Variants in NRG3 observed in about 807,000 individuals in gnomAD.
NRG3 encodes the protein neuregulin 3.
In NRG3, 31 loss-of-function variants were observed where a neutral mutation model predicts 66.9. The observed-to-expected ratio is 0.46, with a 90% confidence interval of 0.35 to 0.63. The LOEUF (loss-of-function observed/expected upper bound fraction) is 0.63. Ranked by LOEUF, NRG3 falls within the 20% of genes least tolerant of loss-of-function variation. The probability of loss-of-function intolerance (pLI) is 0.00; values close to 1 mark genes in which losing one functional copy is unlikely to be tolerated. For missense variants in NRG3, 910 were observed against 878.9 expected (o/e 1.04, Z -0.45); for synonymous variants, 393 against 359.4 (o/e 1.09, Z -1.06).
intron 4 of NRG3, among the ~76,000 whole-genome samples, chr10:82,883,530 T>C (rs1842472914): frequency 6.6e-6 from 1 of 152,188 alleles, no homozygotes; most frequent in Non-Finnish European, 1.5e-5. Context: ...AATAGTACAG[T>C]GTATATTCTA....
intron 2 of NRG3, among the ~76,000 whole-genome samples, chr10:82,629,657 G>A (rs917401502): frequency 1.3e-5 from 2 of 152,152 alleles, no homozygotes; most frequent in Non-Finnish European, 2.9e-5. Flanking sequence ...AATTCCTTGA[G>A]CAACCCCTGG....
intron 2 of NRG3, among the ~76,000 whole-genome samples, chr10:82,686,690 G>C (rs1455647511): frequency 6.6e-6 from 1 of 152,180 alleles, no homozygotes; most frequent in Non-Finnish European, 1.5e-5. Context: ...GTTATGCAGT[G>C]CATGAGTGTA....
chr10:82,487,470 C>T (rs777424803), intron 2 of NRG3, among the ~76,000 whole-genome samples: 1 of 152,060 alleles, frequency 6.6e-6, no homozygotes, highest in Non-Finnish European at 1.5e-5. Context: ...CTTTGTAACC[C>T]TGAGTGGAGG....
At chr10:82,285,799 C>G (rs917228874) in intron 1 of NRG3, among the ~76,000 whole-genome samples, 2 of 152,204 alleles carry the variant, frequency 1.3e-5, no homozygotes, top group Non-Finnish European at 1.5e-5. Context: ...CCTGCTAAAG[C>G]ACTCACCTTC....
intron 2 of NRG3, among the ~76,000 whole-genome samples, chr10:82,373,105 G>A (rs2084994966): frequency 6.6e-6 from 1 of 152,178 alleles, no homozygotes; most frequent in Non-Finnish European, 1.5e-5. Flanking sequence ...GCTCGCATAG[G>A]GTGAAAGTAA....
Position 82,358,699 on chromosome 10 carries a change from G to A in NRG3, c.824-40G>A, listed in dbSNP as rs564601376. On this transcript the variant is annotated intron_variant, in intron 1 of 8. Transcript: ENST00000372141. ...TGACAGGAGTTGTTGGTGTCAGAAT[G>A]TACTGCTGACAGCGTTTCCCCCTGT... 367 of 1,612,890 alleles carry A rather than the reference G, an allele frequency of 2.3e-4. 5 individuals carry two copies. In the South Asian group the frequency reaches 3.7e-3, roughly 16 times the overall value.
chr10:81,993,493 C>A (rs1241023253), intron 1 of NRG3, among the ~76,000 whole-genome samples: 1 of 152,036 alleles, frequency 6.6e-6, no homozygotes, highest in Non-Finnish European at 1.5e-5. Context: ...CCTACAGATG[C>A]ATGCCACCAC....
chr10:82,903,928 C>T (rs187332009), intron 4 of NRG3, among the ~76,000 whole-genome samples: 23 of 152,252 alleles, frequency 1.5e-4, no homozygotes, highest in African/African-American at 5.3e-4. Context: ...ATTTCAGACA[C>T]AAGCAGTGAA....
At chr10:82,572,851 G>A (rs1476971859) in intron 2 of NRG3, among the ~76,000 whole-genome samples, 2 of 151,742 alleles carry the variant, frequency 1.3e-5, no homozygotes, top group African/African-American at 2.4e-5. Context: ...GAATTATTCA[G>A]TTAACCATGG....
At chr10:82,068,394 A>G (rs752937808) in intron 1 of NRG3, among the ~76,000 whole-genome samples, 19 of 152,196 alleles carry the variant, frequency 1.2e-4, no homozygotes, top group Non-Finnish European at 2.2e-4. Flanking sequence ...CCTTTATTCA[A>G]TAAAATGTAT....
At chr10:82,621,767 C>T (rs957577873) in intron 2 of NRG3, among the ~76,000 whole-genome samples, 1 of 152,154 alleles carries the variant, frequency 6.6e-6, no homozygotes, top group Non-Finnish European at 1.5e-5. Context: ...CTAACTGGTA[C>T]AGTAAGGTAG....
chr10:81,946,842 G>A (rs1162987944), intron 1 of NRG3, among the ~76,000 whole-genome samples: 7 of 152,112 alleles, frequency 4.6e-5, no homozygotes, highest in Admixed American at 4.6e-4. Context: ...AGTTCAACAG[G>A]CCAAATATAA....
At chr10:82,115,209 T>G (rs1649947) in intron 1 of NRG3, among the ~76,000 whole-genome samples, 124,998 of 151,926 alleles carry the variant, frequency 0.82, 51,450 homozygotes, top group South Asian at 0.87. Flanking sequence ...TCACCCAGCT[T>G]GTGGGTTGAG....
intron 2 of NRG3, among the ~76,000 whole-genome samples, chr10:82,656,157 A>AT (rs1054654726): frequency 2.6e-5 from 4 of 152,140 alleles, no homozygotes; most frequent in East Asian, 1.9e-4. Flanking sequence ...CTGAAAAGGG[A>AT]TTTTTTTAAT....
At chr10:82,672,785 T>C (rs1173996759) in intron 2 of NRG3, among the ~76,000 whole-genome samples, 2 of 152,350 alleles carry the variant, frequency 1.3e-5, no homozygotes, top group African/African-American at 4.8e-5. Flanking sequence ...AGTCTTACTC[T>C]GTCTCCTGGG....
intron 4 of NRG3, among the ~76,000 whole-genome samples, chr10:82,915,196 C>T (rs1845712023): frequency 6.6e-6 from 1 of 152,184 alleles, no homozygotes; most frequent in Admixed American, 6.5e-5. Context: ...TAATCTATAA[C>T]TGTATTTATC....
chr10:82,729,877 T>TA (rs1203370026), intron 2 of NRG3, among the ~76,000 whole-genome samples: 2 of 152,176 alleles, frequency 1.3e-5, no homozygotes, highest in East Asian at 3.9e-4. Flanking sequence ...TTATATTTTT[T>TA]AACTCATCAA....
At chr10:82,666,586 T>C (rs561848680) in intron 2 of NRG3, among the ~76,000 whole-genome samples, 2 of 152,330 alleles carry the variant, frequency 1.3e-5, no homozygotes, top group South Asian at 4.1e-4. Flanking sequence ...TCCACCACCA[T>C]AGCCCAAGTT....
At chr10:82,628,758 G>T (rs1429785136) in intron 2 of NRG3, among the ~76,000 whole-genome samples, 2 of 152,196 alleles carry the variant, frequency 1.3e-5, no homozygotes, top group Non-Finnish European at 1.5e-5. Context: ...TACGGAAGTA[G>T]GAGTGCAATT....
Sources: gnomAD v4.1 joint callset for allele counts (sites outside exome capture counted in the v4.1 genomes callset) on GRCh38, gnomAD v4.1.1 for gene constraint, MANE v1.5 for transcripts, NCBI Gene and HGNC (gene_info 2026-07-23, HGNC 2026-07-21) for gene names.